FAT4: variants seen among roughly 807,000 people sequenced by gnomAD.
The protein encoded by FAT4 is protocadherin Fat 4.
FAT4 carries 84 observed loss-of-function variants against 303.9 expected under a neutral mutation model. The observed-to-expected ratio is 0.28, with a 90% CI of 0.23 to 0.33. The LOEUF (loss-of-function observed/expected upper bound fraction) is 0.33. Ranked by LOEUF, FAT4 falls within the 10% of genes least tolerant of loss-of-function variation. The pLI is 1.00. For synonymous variants in FAT4, 2,307 were observed against 2,298.8 expected (o/e 1.00, Z -0.10); for missense variants, 6,005 against 6,146.8 (o/e 0.98, Z 0.77).
chr4:125,380,239 A>C (rs1733490692), intron 2 of FAT4, among the ~76,000 whole-genome samples: 1 of 152,202 alleles, frequency 6.6e-6, no homozygotes, highest in African/African-American at 2.4e-5. Flanking sequence ...ACCTACTAAA[A>C]AGATATAAAT....
intron 2 of FAT4, among the ~76,000 whole-genome samples, chr4:125,349,429 A>T (rs1732133775): frequency 6.6e-6 from 1 of 151,674 alleles, no homozygotes; most frequent in South Asian, 2.1e-4. Context: ...TCCACAAATG[A>T]CAGAGATGGA....
At chr4:125,339,691 A>G (rs1394547071) in intron 2 of FAT4, among the ~76,000 whole-genome samples, 1 of 152,162 alleles carries the variant, frequency 6.6e-6, no homozygotes, top group East Asian at 1.9e-4. Flanking sequence ...CATTTCACTG[A>G]TGAGAAAACT....
At position 125,451,676 on chromosome 4, in the gene FAT4, G is replaced by T; in HGVS notation, c.10666G>T (p.Ala3556Ser). Residue 3556 changes from alanine to serine, a missense_variant, in exon 10 of 18, where the codon GCC becomes TCC. Physicochemically the swap from Ala to Ser is moderately conservative, Grantham distance 99. Transcript: ENST00000394329. ...TTATTACTTGCTGAGCACAGGTCCT[G>T]CCACCAGTTATTTCAGTCTGAGCAC... The part of the protein sequence containing the change: ...FTYYLLSTGP[A>S]TSYFSLSTAG... 1 of 1,614,114 alleles carries T rather than the reference G, an allele frequency of 6.2e-7. No homozygotes were observed. The highest frequency in any genetic ancestry group is 8.5e-7 in the Non-Finnish European group (1 of 1,179,984).
chr4:125,354,197 A>G (rs1301491818), intron 2 of FAT4, among the ~76,000 whole-genome samples: 2 of 151,718 alleles, frequency 1.3e-5, no homozygotes, highest in Non-Finnish European at 3.0e-5. Context: ...TTCATAGGTA[A>G]TAAATGGGCA....
intron 2 of FAT4, among the ~76,000 whole-genome samples, chr4:125,339,187 G>A (rs184687704): frequency 8.6e-5 from 13 of 151,316 alleles, no homozygotes; most frequent in Non-Finnish European, 8.8e-5. Flanking sequence ...TTTTTGAGAC[G>A]GAGTCTTGCC....
intron 2 of FAT4, among the ~76,000 whole-genome samples, chr4:125,368,694 C>T (rs1467818276): frequency 6.6e-6 from 1 of 151,492 alleles, no homozygotes; most frequent in Non-Finnish European, 1.5e-5. Context: ...TGCCTTAGAT[C>T]TCTCTAAAAT....
Position 125,487,341 on chromosome 4 carries a change from A to G in FAT4, c.12823-4A>G, listed in dbSNP as rs374685016. The G allele has an allele frequency of 2.2e-5, 36 of 1,606,674 alleles. No individual in the cohort carries two copies. Among genetic ancestry groups the G allele is most frequent in the Non-Finnish European group, 2.8e-5 (33 of 1,175,214 alleles). On this transcript the variant is annotated splice_region_variant and splice_polypyrimidine_tract_variant and intron_variant, in intron 16 of 17. Transcript: ENST00000394329. ...TTGCATACTATTTTTAATATGTTTT[A>G]CAGATTAAGAATGGCAAAGTATATT...
intron 3 of FAT4, among the ~76,000 whole-genome samples, chr4:125,405,516 CTT>C (rs879308915): frequency 6.9e-6 from 1 of 144,484 alleles, no homozygotes. Context: ...ACTTGTTGGC[CTT>C]TTTTTTTTTG....
At chr4:125,420,275 G>A (rs947432098) in intron 7 of FAT4, among the ~76,000 whole-genome samples, 8 of 152,088 alleles carry the variant, frequency 5.3e-5, no homozygotes, top group African/African-American at 1.9e-4. Context: ...GATTTCCAGA[G>A]AAAGTAAACT....
chr4:125,455,632 A>G (rs1726252257), intron 10 of FAT4, among the ~76,000 whole-genome samples: 1 of 152,208 alleles, frequency 6.6e-6, no homozygotes, highest in Non-Finnish European at 1.5e-5. Context: ...AAAGTGTTCT[A>G]ACTAGTTTTT....
At position 125,315,121 on chromosome 4, in the gene FAT4, G is replaced by A. The variant is rs1191032794; in HGVS notation, c.-869G>A. Among the ~76,000 whole-genome samples the A allele has an allele frequency of 6.6e-6, 1 of 151,988 alleles. No individual in the cohort carries two copies. On this transcript the variant is annotated 5_prime_UTR_variant, in exon 1 of 18. Transcript: ENST00000394329. ...GCCTGTGCGGCGGGGAAGGGGCGGGGAGAGTGTGAGGGACCAGGCGGGAGG... is the reference window on the plus strand; with the variant it reads ...GCCTGTGCGGCGGGGAAGGGGCGGGAAGAGTGTGAGGGACCAGGCGGGAGG...
intron 6 of FAT4, 140 bp downstream of exon 6, chr4:125,415,946 T>C (rs977484226): frequency 4.6e-6 from 3 of 658,544 alleles, no homozygotes; most frequent in Admixed American, 6.4e-5. Flanking sequence ...ATACAGCAAA[T>C]TTTGAAAAGG....
At chr4:125,427,551 A>C (rs1397176400) in intron 7 of FAT4, among the ~76,000 whole-genome samples, 1 of 109,872 alleles carries the variant, frequency 9.1e-6, no homozygotes, top group Non-Finnish European at 1.8e-5. Context: ...AAATTGTTAC[A>C]TACCTTTTGT....
intron 2 of FAT4, among the ~76,000 whole-genome samples, chr4:125,385,875 A>G (rs1165203806): frequency 2.6e-5 from 4 of 152,192 alleles, no homozygotes. Flanking sequence ...TTATTCCACT[A>G]AAAATGTTGG....
intron 12 of FAT4, among the ~76,000 whole-genome samples, chr4:125,469,383 C>A (rs1726783645): frequency 6.6e-6 from 1 of 152,106 alleles, no homozygotes; most frequent in Admixed American, 6.6e-5. Flanking sequence ...GAAACGTTGT[C>A]ACATTGATTA....
At chr4:125,359,109 A>G (rs1732548335) in intron 2 of FAT4, among the ~76,000 whole-genome samples, 1 of 152,196 alleles carries the variant, frequency 6.6e-6, no homozygotes. Flanking sequence ...AAATATCTAT[A>G]TAGAATTAGC....
At position 125,468,607 on chromosome 4, in the gene FAT4, T is replaced by C; in HGVS notation, c.12001T>C (p.Tyr4001His). ...CTTGGACCCCAATAACAACTATATT[T>C]ATGTCAAATTTGCCACGATTAAAAG... ...PSLDPNNNYI[Y>H]VKFATIKSHA... Residue 4001 changes from tyrosine to histidine, a missense_variant, in exon 12 of 18, where the codon TAT (tyrosine) becomes CAT (histidine). Coordinates refer to ENST00000394329, the MANE Select transcript of FAT4 (RefSeq NM_001291303.3). 6.2e-7 allele frequency: 1 copy of C among 1,614,146 alleles called. No individual in the cohort carries two copies. Among genetic ancestry groups the C allele is most frequent in the South Asian group, 1.1e-5 (1 of 91,084 alleles).
chr4:125,343,327 T>C (rs1731871120), intron 2 of FAT4, among the ~76,000 whole-genome samples: 1 of 152,114 alleles, frequency 6.6e-6, no homozygotes, highest in African/African-American at 2.4e-5. Context: ...AATGATGAAT[T>C]AAGCAGCTTC....
At position 125,491,457 on chromosome 4, in the gene FAT4, G is replaced by T. The variant is rs1727638335; in HGVS notation, c.14641G>T (p.Asp4881Tyr). ...ATCTCAAGTCAATGAATCTGATGCA[G>T]ATGATGAAGATAATTATGGAGCCAG... ...KLSQVNESDA[D>Y]DEDNYGARLK... Residue 4881 changes from aspartate (D) to tyrosine (Y), a missense_variant, in exon 18 of 18, where the codon GAT becomes TAT. Transcript: ENST00000394329. 1 of 1,614,160 alleles carries T rather than the reference G, an allele frequency of 6.2e-7. No individual in the cohort carries two copies. The highest frequency in any genetic ancestry group is 8.5e-7 in the Non-Finnish European group (1 of 1,180,002).
Sources: allele counts gnomAD v4.1 joint callset (sites outside exome capture counted in the v4.1 genomes callset), GRCh38; gene constraint gnomAD v4.1.1; transcripts MANE v1.5; gene names NCBI Gene and HGNC (gene_info 2026-07-23, HGNC 2026-07-21).